The following SPON1 variants were observed in gnomAD, a reference collection of about 807,000 sequenced individuals.
SPON1 encodes spondin 1.
Under a neutral mutation model 111.7 loss-of-function variants are expected in SPON1, and 52 were observed. The ratio of observed to expected loss-of-function variants is 0.47; its 90% CI spans 0.37 to 0.59. The LOEUF is 0.59. Among genes scored for constraint, SPON1 ranks in the 20% least tolerant of loss-of-function variants. The pLI is 0.00. For synonymous variants in SPON1, 410 were observed against 395.8 expected (o/e 1.04, Z -0.43); for missense variants, 957 against 1,068.5 (o/e 0.90, Z 1.46).
intron 5 of SPON1, among the ~76,000 whole-genome samples, chr11:14,127,754 A>G (rs989842295): frequency 6.6e-6 from 1 of 152,204 alleles, no homozygotes; most frequent in African/African-American, 2.4e-5. Context: ...CCATTTTCAC[A>G]TGATATAAAG....
rs183779857 is a variant in SPON1 at position 14,095,625 on chromosome 11, G to A, written c.676+15604G>A. On this transcript the variant is annotated intron_variant, in intron 5 of 15. Coordinates refer to ENST00000576479, the MANE Select transcript of SPON1 (RefSeq NM_006108.4). ...AAATCCCAGCCCCAGGGCAGGAGAAGGCCAATGTCCCTGGTCAAGCAGGCA... is the reference window on the plus strand; with the variant it reads ...AAATCCCAGCCCCAGGGCAGGAGAAAGCCAATGTCCCTGGTCAAGCAGGCA... Among the ~76,000 whole-genome samples, 266 of 152,240 alleles carry A rather than the reference G, an allele frequency of 1.7e-3. 4 individuals are homozygous for A. The highest frequency in any genetic ancestry group is 5.9e-3 in the African/African-American group (245 of 41,528).
intron 6 of SPON1, among the ~76,000 whole-genome samples, chr11:14,185,353 C>T (rs1848275318): frequency 6.6e-6 from 1 of 152,194 alleles, no homozygotes; most frequent in Non-Finnish European, 1.5e-5. Context: ...TATGTATGAA[C>T]TGTTTTTCCT....
intron 6 of SPON1, among the ~76,000 whole-genome samples, chr11:14,153,655 A>G (rs1847811317): frequency 1.3e-5 from 2 of 152,152 alleles, no homozygotes. Context: ...TCGAAATCTC[A>G]TGTCCTTCTC....
At chr11:14,225,192 G>A (rs986318135) in intron 6 of SPON1, among the ~76,000 whole-genome samples, 3 of 151,986 alleles carry the variant, frequency 2.0e-5, no homozygotes, top group East Asian at 1.9e-4. Context: ...TGTCACACTC[G>A]GGCATACCAG....
intron 6 of SPON1, among the ~76,000 whole-genome samples, chr11:14,236,142 A>G (rs1848864392): frequency 6.6e-6 from 1 of 152,094 alleles, no homozygotes; most frequent in African/African-American, 2.4e-5. Flanking sequence ...CACGAACAAG[A>G]GTCTGGAGGA....
chr11:14,162,999 G>A (rs1308703507), intron 6 of SPON1, among the ~76,000 whole-genome samples: 2 of 152,110 alleles, frequency 1.3e-5, no homozygotes, highest in Non-Finnish European at 2.9e-5. Flanking sequence ...GCTTAATCTT[G>A]GGTTGAATCT....
At chr11:14,240,575 G>A (rs1554939555) in intron 6 of SPON1, among the ~76,000 whole-genome samples, 2 of 147,374 alleles carry the variant, frequency 1.4e-5, no homozygotes, top group Non-Finnish European at 3.0e-5. Context: ...TGGCCAAAAG[G>A]CCAAGAAGCA....
intron 1 of SPON1, among the ~76,000 whole-genome samples, chr11:13,968,225 G>T (rs1298655725): frequency 6.6e-6 from 1 of 152,206 alleles, no homozygotes; most frequent in Non-Finnish European, 1.5e-5. Flanking sequence ...CTAAGCTCAT[G>T]TTACTAACAG....
intron 5 of SPON1, among the ~76,000 whole-genome samples, chr11:14,115,493 G>A (rs577892686): frequency 6.6e-6 from 1 of 152,146 alleles, no homozygotes. Flanking sequence ...TTTATAAAAG[G>A]AATTTTACAA....
intron 7 of SPON1, among the ~76,000 whole-genome samples, chr11:14,246,318 T>C (rs1008835780): frequency 1.3e-5 from 2 of 152,196 alleles, no homozygotes; most frequent in African/African-American, 2.4e-5. Context: ...TTATTATCCC[T>C]TTTAATCCTA....
intron 6 of SPON1, among the ~76,000 whole-genome samples, chr11:14,198,686 T>G (rs1554935304): frequency 6.6e-6 from 1 of 152,234 alleles, no homozygotes; most frequent in Admixed American, 6.5e-5. Flanking sequence ...AGCACCTCTT[T>G]CGGGGTAAAT....
At chr11:14,095,404 CTAGA>C (rs3047371) in intron 5 of SPON1, among the ~76,000 whole-genome samples, 47,870 of 148,050 alleles carry the variant, frequency 0.32, 7,683 homozygotes, top group South Asian at 0.37. Flanking sequence ...AAATGAGAGA[CTAGA>C]TAGATAGATA....
At chr11:14,237,699 GCAGA>G (rs1173566706) in intron 6 of SPON1, among the ~76,000 whole-genome samples, 1 of 152,238 alleles carries the variant, frequency 6.6e-6, no homozygotes, top group Non-Finnish European at 1.5e-5. Flanking sequence ...CTGTTTAGTA[GCAGA>G]CAGTTTTTCT....
intron 6 of SPON1, among the ~76,000 whole-genome samples, chr11:14,160,663 A>ATT (rs1847917410): frequency 4.0e-5 from 1 of 25,208 alleles, no homozygotes; most frequent in African/African-American, 1.6e-4. Context: ...ATATTTATAT[A>ATT]TATATTTACA....
At chr11:14,020,973 A>G (rs1407420749) in intron 2 of SPON1, among the ~76,000 whole-genome samples, 1 of 152,218 alleles carries the variant, frequency 6.6e-6, no homozygotes, top group Non-Finnish European at 1.5e-5. Flanking sequence ...ATTATGCAGT[A>G]ATTTAAAAAG....
intron 3 of SPON1, among the ~76,000 whole-genome samples, chr11:14,066,624 C>T (rs1848834544): frequency 1.3e-5 from 2 of 152,186 alleles, no homozygotes; most frequent in African/African-American, 2.4e-5. Flanking sequence ...ACCTTACAGG[C>T]ATGTGAAAGC....
At chr11:14,022,004 A>C (rs1564887570) in intron 2 of SPON1, among the ~76,000 whole-genome samples, 1 of 152,214 alleles carries the variant, frequency 6.6e-6, no homozygotes, top group Admixed American at 6.5e-5. Flanking sequence ...TGTTGAAAGC[A>C]GAATTGTTCT....
chr11:14,254,079 G>C (rs1178272684), intron 7 of SPON1, among the ~76,000 whole-genome samples: 1 of 152,234 alleles, frequency 6.6e-6, no homozygotes, highest in East Asian at 1.9e-4. Context: ...CCAGCTGTGA[G>C]CTGATGGGTA....
intron 6 of SPON1, among the ~76,000 whole-genome samples, chr11:14,225,061 G>A (rs1368907909): frequency 6.6e-6 from 1 of 152,150 alleles, no homozygotes; most frequent in Non-Finnish European, 1.5e-5. Flanking sequence ...GATTTCTCAG[G>A]CTATGGATGT....
Sources: gnomAD v4.1 joint callset for allele counts (sites outside exome capture counted in the v4.1 genomes callset) on GRCh38, gnomAD v4.1.1 for gene constraint, MANE v1.5 for transcripts, NCBI Gene and HGNC (gene_info 2026-07-23, HGNC 2026-07-21) for gene names.